Variants in MAPK4 observed in about 807,000 individuals in gnomAD.
The protein encoded by MAPK4 is Erk3-related.
In MAPK4, 22 loss-of-function variants were observed where a neutral mutation model predicts 47.7. The ratio of observed to expected loss-of-function variants is 0.46; its 90% CI spans 0.33 to 0.66. The LOEUF is 0.66. Ranked by LOEUF, MAPK4 falls within the 30% of genes least tolerant of loss-of-function variation. The pLI is 0.02. For synonymous variants in MAPK4, 390 were observed against 365.7 expected, an observed-to-expected ratio of 1.07 and a Z score of -0.76; for missense variants, 736 against 831.7, an observed-to-expected ratio of 0.88 and a Z score of 1.42.
chr18:50,611,849 A>G (rs943156656), intron 1 of MAPK4, among the ~76,000 whole-genome samples: 3 of 152,184 alleles, frequency 2.0e-5, no homozygotes, highest in Non-Finnish European at 4.4e-5. Context: ...CATTGACATC[A>G]CTTTCCCTGA....
intron 2 of MAPK4, among the ~76,000 whole-genome samples, chr18:50,675,070 A>C (rs760461386): frequency 1.3e-5 from 2 of 152,222 alleles, no homozygotes; most frequent in East Asian, 3.9e-4. Flanking sequence ...CTAAATCCTC[A>C]TAACAACCTA....
At position 50,650,872 on chromosome 18, in the gene MAPK4, C is replaced by A. The variant is rs369459997; in HGVS notation, c.-870-12217C>A. Among the ~76,000 whole-genome samples the A allele has an allele frequency of 1.3e-3, 195 of 152,354 alleles. 1 individual carries two copies. Among genetic ancestry groups the A allele is most frequent in the African/African-American group, 4.4e-3 (183 of 41,584 alleles). On this transcript the variant is annotated intron_variant, in intron 1 of 5. Coordinates refer to ENST00000400384, the MANE Select transcript of MAPK4 (RefSeq NM_002747.4). ...AGCTGTTTCTTTGCAGTTGGCCAATCCTGGCCATGCACGGGCCTTTGCTGG... is the reference window on the plus strand; with the variant it reads ...AGCTGTTTCTTTGCAGTTGGCCAATACTGGCCATGCACGGGCCTTTGCTGG...
At chr18:50,662,392 A>G (rs1907318736) in intron 1 of MAPK4, among the ~76,000 whole-genome samples, 1 of 152,204 alleles carries the variant, frequency 6.6e-6, no homozygotes. Flanking sequence ...GATTTGACCC[A>G]TTGCTTTGAA....
chr18:50,568,459 G>T (rs758374151), intron 1 of MAPK4, among the ~76,000 whole-genome samples: 1 of 152,146 alleles, frequency 6.6e-6, no homozygotes, highest in African/African-American at 2.4e-5. Flanking sequence ...GTACTGTCAC[G>T]TCTCTCCATT....
intron 1 of MAPK4, among the ~76,000 whole-genome samples, chr18:50,580,155 G>A (rs2042331086): frequency 6.6e-6 from 1 of 152,186 alleles, no homozygotes; most frequent in African/African-American, 2.4e-5. Context: ...AGTCTGTGGG[G>A]TTTCATCAGA....
rs1011652785 is a variant in MAPK4 at position 50,706,376 on chromosome 18, C to A, written c.547-8703C>A. Among the ~76,000 whole-genome samples the A allele has an allele frequency of 2.0e-5, 3 of 152,026 alleles. No individual in the cohort carries two copies. The East Asian group carries it at 5.8e-4, about 29-fold the overall frequency. The stretch of plus-strand genomic sequence containing the variant: ...GTCACCTGGGGAGCTGTAAAAAAAT[C>A]ACTGATGCCTGGTTCCCACCCCCCC... On this transcript the variant is annotated intron_variant, in intron 2 of 5. Transcript: ENST00000400384.
intron 1 of MAPK4, among the ~76,000 whole-genome samples, chr18:50,586,186 G>C (rs1032648917): frequency 6.6e-6 from 1 of 152,142 alleles, no homozygotes; most frequent in Admixed American, 6.5e-5. Context: ...TTTAATTTAT[G>C]ACTTTCTATG....
At chr18:50,688,254 T>C (rs964653898) in intron 2 of MAPK4, among the ~76,000 whole-genome samples, 1 of 152,114 alleles carries the variant, frequency 6.6e-6, no homozygotes, top group Non-Finnish European at 1.5e-5. Context: ...CCAGTGCAAC[T>C]GAAGAAAGAT....
chr18:50,641,971 G>A (rs576924590), intron 1 of MAPK4, among the ~76,000 whole-genome samples: 4 of 152,220 alleles, frequency 2.6e-5, no homozygotes, highest in African/African-American at 4.8e-5. Context: ...CATTACTTCC[G>A]AAAGCCCTTT....
chr18:50,679,689 C>A (rs1469474410), intron 2 of MAPK4, among the ~76,000 whole-genome samples: 1 of 152,198 alleles, frequency 6.6e-6, no homozygotes, highest in Non-Finnish European at 1.5e-5. Context: ...TGAGAACTTT[C>A]CTGGTACCCT....
chr18:50,711,099 C>T (rs539782144), intron 2 of MAPK4, among the ~76,000 whole-genome samples: 19 of 152,318 alleles, frequency 1.2e-4, no homozygotes, highest in African/African-American at 4.3e-4. Context: ...CAGCTGGGAT[C>T]GAGGGCTGCT....
intron 1 of MAPK4, among the ~76,000 whole-genome samples, chr18:50,618,897 T>TATGGTA (rs1349090455): frequency 1.3e-5 from 2 of 151,746 alleles, no homozygotes; most frequent in Non-Finnish European, 2.9e-5. Context: ...TGAAAGTCAG[T>TATGGTA]ATGGTAAACA....
chr18:50,722,732 A>G (rs1254459213), intron 4 of MAPK4, among the ~76,000 whole-genome samples: 1 of 152,162 alleles, frequency 6.6e-6, no homozygotes, highest in Non-Finnish European at 1.5e-5. Context: ...TCCATTTATT[A>G]CAGGACAGAA....
intron 2 of MAPK4, among the ~76,000 whole-genome samples, chr18:50,681,609 T>C (rs1287885116): frequency 1.3e-5 from 2 of 152,222 alleles, no homozygotes; most frequent in Non-Finnish European, 2.9e-5. Context: ...TTGTATGAGA[T>C]AGGGGGTCCA....
At chr18:50,608,700 C>CT (rs148009772) in intron 1 of MAPK4, among the ~76,000 whole-genome samples, 24,409 of 151,602 alleles carry the variant, frequency 0.16, 1,979 homozygotes, top group East Asian at 0.19. Flanking sequence ...GATATGTCTT[C>CT]TTTTTTTTAT....
chr18:50,610,041 G>T (rs1391572686), intron 1 of MAPK4, among the ~76,000 whole-genome samples: 1 of 152,170 alleles, frequency 6.6e-6, no homozygotes, highest in Non-Finnish European at 1.5e-5. Context: ...TTTTGCAAGA[G>T]GTGAATTAAC....
At chr18:50,716,131 C>G (rs1910623823) in intron 3 of MAPK4, among the ~76,000 whole-genome samples, 1 of 152,176 alleles carries the variant, frequency 6.6e-6, no homozygotes, top group Non-Finnish European at 1.5e-5. Context: ...CTCGCACTCT[C>G]CCTCTTTGCT....
At chr18:50,713,029 C>G (rs1910458915) in intron 2 of MAPK4, among the ~76,000 whole-genome samples, 1 of 152,190 alleles carries the variant, frequency 6.6e-6, no homozygotes, top group Admixed American at 6.5e-5. Flanking sequence ...TGAAGGAATT[C>G]AGACTCAAAA....
chr18:50,635,511 T>C (rs907349725), intron 1 of MAPK4, among the ~76,000 whole-genome samples: 5 of 152,222 alleles, frequency 3.3e-5, no homozygotes, highest in Non-Finnish European at 5.9e-5. Context: ...GGGCTATCTC[T>C]GTAGCGTAGT....
Sources: allele counts gnomAD v4.1 joint callset (sites outside exome capture counted in the v4.1 genomes callset), GRCh38; gene constraint gnomAD v4.1.1; transcripts MANE v1.5; gene names NCBI Gene and HGNC (gene_info 2026-07-23, HGNC 2026-07-21).